Variants in PSD observed in about 807,000 individuals in gnomAD.
PSD encodes PH and SEC7 domain-containing protein 1.
Under a neutral mutation model 91.6 loss-of-function variants are expected in PSD, and 32 were observed. The observed-to-expected ratio is 0.35, with a 90% CI of 0.26 to 0.47. The LOEUF (loss-of-function observed/expected upper bound fraction) is 0.47. PSD is among the 20% of genes least tolerant of loss of function. PSD has a pLI of 1.00. For missense variants in PSD, 1,099 were observed against 1,373.9 expected, an observed-to-expected ratio of 0.80 and a Z score of 3.16; for synonymous variants, 532 against 569.3, an observed-to-expected ratio of 0.93 and a Z score of 0.93.
Position 102,402,799 on chromosome 10 carries a change from T to A in PSD, c.*401A>T. ...TGGGGAGGAAGGAGGGGAAACCAGC[T>A]CAGCCCCAAATCCTGGTCTCTGTCC... On this transcript the variant is annotated 3_prime_UTR_variant, in exon 17 of 17. Transcript: ENST00000020673. 4.1e-6 allele frequency: 1 copy of A among 245,198 alleles called. No individual in the cohort carries two copies. Among genetic ancestry groups the A allele is most frequent in the East Asian group, 7.3e-5 (1 of 13,746 alleles). 15.2% of individuals were successfully genotyped at this position (245,198 alleles called of 1,614,324 possible).
At chr10:102,408,181 G>A (rs1422361890) in intron 10 of PSD, among the ~76,000 whole-genome samples, 1 of 152,178 alleles carries the variant, frequency 6.6e-6, no homozygotes, top group Non-Finnish European at 1.5e-5. Flanking sequence ...GTGCATGTTG[G>A]GCTAAGTGTG....
chr10:102,411,091 C>G lies in PSD; in HGVS notation c.1968G>C (p.Ala656=). ...SEDGAHTLTC[A]LMLLNTDLHG... is the part of the protein sequence containing the mutation. ...GGAGATCCGTGTTGAGCAGCATGAG[C>G]GCACAGGTCAGCGTGTGGGCGCCGT... Residue 656 remains alanine, a synonymous_variant, in exon 9 of 17, where the codon GCG becomes GCC. Coordinates refer to ENST00000020673, the MANE Select transcript of PSD (RefSeq NM_002779.5). 6.2e-7 allele frequency: 1 copy of G among 1,611,426 alleles called. No homozygotes were observed. Among genetic ancestry groups the G allele is most frequent in the Non-Finnish European group, 8.5e-7 (1 of 1,177,952 alleles).
rs1273368755 is a variant in PSD at position 102,405,043 on chromosome 10, G to C, written c.2410C>G (p.Pro804Ala). 6.2e-7 allele frequency: 1 copy of C among 1,613,862 alleles called. No individual in the cohort carries two copies. The highest frequency in any genetic ancestry group is 1.3e-5 in the African/African-American group (1 of 74,886). The change falls in exon 14 of 17, where the codon CCT (proline) becomes GCT (alanine). Residue 804 changes from proline to alanine, a missense_variant. Physicochemically the swap from Pro to Ala is conservative, Grantham distance 27. Coordinates refer to ENST00000020673, the MANE Select transcript of PSD (RefSeq NM_002779.5). The surrounding 1 kb of genome is among the most constrained non-coding windows in gnomAD (Gnocchi z 5.4). Reference protein sequence around the residue: ...ILYLQKEEYKPGKALSETELK... With the variant: ...ILYLQKEEYKAGKALSETELK... ...TCCGTCTCTGAAAGGGCCTTCCCAG[G>C]CTTGTACTCCTCCTGCAGGGGTGTC...
In PSD at chr10:102,403,782, T is replaced by C; in HGVS notation, c.2844+60A>G. ...CGGCCGGTTCCACTGTTAGAGTTCA[T>C]GCCCTTCACCCTAGTATGGGCCTGC... On this transcript the variant is annotated intron_variant, in intron 16 of 16. Transcript: ENST00000020673. The surrounding 1 kb of genome is among the most constrained non-coding windows in gnomAD (Gnocchi z 6.7). The C allele has an allele frequency of 6.4e-7, 1 of 1,551,002 alleles. No individual in the cohort carries two copies. The highest frequency in any genetic ancestry group is 8.7e-7 in the Non-Finnish European group (1 of 1,143,892).
rs993160127 is a variant in PSD, at chr10:102,403,762, G to T, written c.2844+80C>A. The T allele has an allele frequency of 3.3e-6, 5 of 1,504,738 alleles. No individual in the cohort carries two copies. Among genetic ancestry groups the T allele is most frequent in the Non-Finnish European group, 4.5e-6 (5 of 1,120,822 alleles). The allele number at this position is 1,504,738 out of a possible 1,614,324, so 93.2% of individuals were successfully genotyped here. Reference sequence around the variant, plus strand: ...GCAACCTGCCCAAGGACCTCCGGCCGGTTCCACTGTTAGAGTTCATGCCCT... The same window carrying T: ...GCAACCTGCCCAAGGACCTCCGGCCTGTTCCACTGTTAGAGTTCATGCCCT... On this transcript the variant is annotated intron_variant, in intron 16 of 16. Transcript: ENST00000020673. This position sits in a 1 kb window ranked among gnomAD's most constrained non-coding sequence, Gnocchi z 6.7.
Position 102,416,230 on chromosome 10 carries a change from TCAGAGACA to T in PSD, c.655-119_655-112del. ...AACATGCATCGACAGAGATGGAGGT[TCAGAGACA>T]CAGAGACAAACACAGAGGGCAAGAG... On this transcript the variant is annotated intron_variant, in intron 2 of 16. Coordinates refer to ENST00000020673, the MANE Select transcript of PSD (RefSeq NM_002779.5). The surrounding 1 kb of genome is among the most constrained non-coding windows in gnomAD (Gnocchi z 6.0). The T allele has an allele frequency of 4.1e-6, 5 of 1,210,980 alleles. No homozygotes were observed. The South Asian group carries it at 5.7e-5, about 14-fold the overall frequency. The allele number at this position is 1,210,980 out of a possible 1,614,324, so 75.0% of individuals were successfully genotyped here.
chr10:102,405,236 C>T lies in PSD; in HGVS notation c.2344G>A (p.Gly782Ser), dbSNP rs1400094529. ...DCRKTPRGKR[G>S]WKSFHGILKG... ...AGGATCCCGTGGAAGCTCTTCCAGC[C>T]CCGCTTGCCCCGAGGTGCTGCGGGG... is the stretch of plus-strand genomic sequence containing the variant. The change falls in exon 13 of 17, where the codon GGC becomes AGC. Residue 782 changes from glycine (G) to serine (S), a missense_variant. By Grantham distance (56) the Gly-to-Ser change is moderately conservative. Transcript: ENST00000020673. The surrounding 1 kb of genome is among the most constrained non-coding windows in gnomAD (Gnocchi z 5.4). 3 of 1,610,786 alleles carry T rather than the reference C, an allele frequency of 1.9e-6. No homozygotes were observed. Among genetic ancestry groups the T allele is most frequent in the Non-Finnish European group, 2.5e-6 (3 of 1,179,842 alleles).
At chr10:102,411,918 G>T in intron 7 of PSD, 99 bp from the exon 8 acceptor site, 1 of 964,306 alleles carries the variant, frequency 1.0e-6, no homozygotes, top group Non-Finnish European at 1.6e-6. Flanking sequence ...GCTGGGGTGG[G>T]AAGGGGAGGA....
At position 102,403,533 on chromosome 10, in the gene PSD, G is replaced by A. The variant is rs1301098919; in HGVS notation, c.2845-103C>T. On this transcript the variant is annotated intron_variant, in intron 16 of 16. Transcript: ENST00000020673. The surrounding 1 kb of genome is among the most constrained non-coding windows in gnomAD (Gnocchi z 6.7). ...GCCAGCAGGGCAGAAGATGGCAGGT[G>A]CCCACCCAGGACTGTGAGATGGTCC... 3 of 1,147,196 alleles carry A rather than the reference G, an allele frequency of 2.6e-6. No individual in the cohort carries two copies. In the African/African-American group the frequency reaches 4.6e-5, roughly 18 times the overall value. The allele number at this position is 1,147,196 out of a possible 1,614,324, so 71.1% of individuals were successfully genotyped here. A position where few individuals can be genotyped will look rare whatever the true frequency, so the allele number is the denominator to read the frequency against.
upstream of PSD, chr10:102,418,892 G>A: frequency 5.7e-6 from 2 of 350,400 alleles, no homozygotes; most frequent in South Asian, 2.0e-5. Flanking sequence ...CAGAGCCCCG[G>A]AGGCTGCCAG....
In PSD at chr10:102,403,870, C is replaced by T. The variant is rs140739855; in HGVS notation, c.2816G>A (p.Arg939Gln). Reference sequence around the variant, plus strand: ...AAACTCCAGGTAGGCCTCCTTCTGCCGCTGCTCTTCAGCCTCCTTGCCCCG... The same window carrying T: ...AAACTCCAGGTAGGCCTCCTTCTGCTGCTGCTCTTCAGCCTCCTTGCCCCG... ...KGRGKEAEEQ[R>Q]QKEAYLEFEK... Residue 939 changes from arginine to glutamine, a missense_variant, in exon 16 of 17, where the codon CGG becomes CAG. Physicochemically the swap from Arg to Gln is conservative, Grantham distance 43. This residue lies in a region of PSD where 358 missense variants were observed against 426.5 expected (regional missense o/e 0.84). Coordinates refer to ENST00000020673, the MANE Select transcript of PSD (RefSeq NM_002779.5). The surrounding 1 kb of genome is among the most constrained non-coding windows in gnomAD (Gnocchi z 6.7). 2,035 of 1,610,084 alleles carry T rather than the reference C, an allele frequency of 1.3e-3. 2 individuals carry two copies. The highest frequency in any genetic ancestry group is 1.5e-3 in the Non-Finnish European group (1,784 of 1,178,264).
intron 11 of PSD, 88 bp downstream of exon 11, chr10:102,407,135 C>T: frequency 7.7e-7 from 1 of 1,290,386 alleles, no homozygotes; most frequent in Non-Finnish European, 1.0e-6. Context: ...CTACCCCCAC[C>T]CAGGGCCTAC....
chr10:102,406,752 G>A (rs981873176), intron 11 of PSD, among the ~76,000 whole-genome samples: 33 of 152,292 alleles, frequency 2.2e-4, no homozygotes, highest in Non-Finnish European at 2.9e-4. Context: ...TGATCTGCCC[G>A]CCTTGGCCTC....
At chr10:102,417,191 G>A in intron 1 of PSD, 70 bp from the exon 2 acceptor site, 1 of 589,586 alleles carries the variant, frequency 1.7e-6, no homozygotes, top group Non-Finnish European at 3.0e-6. Context: ...CAGAGATAGG[G>A]AAGGGAAAGT....
intron 3 of PSD, 79 bp downstream of exon 3, chr10:102,415,938 A>C (rs938136187): frequency 9.2e-7 from 1 of 1,088,234 alleles, no homozygotes; most frequent in Non-Finnish European, 1.3e-6. Flanking sequence ...GGGAAGTTTG[A>C]AGGAGGGCTC....
chr10:102,412,164 A>G lies in PSD; in HGVS notation c.1812T>C (p.Thr604=). 6.2e-7 allele frequency: 1 copy of G among 1,614,144 alleles called. No homozygotes were observed. The highest frequency in any genetic ancestry group is 8.5e-7 in the Non-Finnish European group (1 of 1,180,010). The stretch of plus-strand genomic sequence containing the variant: ...ACACCCACCTGAGAGCTTGGTCCAG[A>G]GTCATGCCCGTGAAGACAAAGAACT... ...YLKFFVFTGM[T]LDQALRVFLK... Residue 604 remains threonine (T), a synonymous_variant, in exon 7 of 17, where the codon ACT becomes ACC. Coordinates refer to ENST00000020673, the MANE Select transcript of PSD (RefSeq NM_002779.5).
At chr10:102,407,404 G>A in intron 10 of PSD, 138 bp from the exon 11 acceptor site, 1 of 535,804 alleles carries the variant, frequency 1.9e-6, no homozygotes, top group Non-Finnish European at 3.1e-6. Flanking sequence ...AAAAATACAG[G>A]CTCCAGAATG....
In PSD at chr10:102,404,575, T is replaced by A. The variant is rs1446826357; in HGVS notation, c.2700+8A>T. 3 of 1,611,494 alleles carry A rather than the reference T, an allele frequency of 1.9e-6. No individual in the cohort carries two copies. In the Admixed American group the frequency reaches 5.0e-5, roughly 27 times the overall value. ...CCACTGGCACTAGGTGGACAGAGCT[T>A]GGGCTACCTGGGAGAGGCGGGTGGC... On this transcript the variant is annotated splice_region_variant and intron_variant, in intron 15 of 16. Transcript: ENST00000020673. This position sits in a 1 kb window ranked among gnomAD's most constrained non-coding sequence, Gnocchi z 5.7.
intron 10 of PSD, among the ~76,000 whole-genome samples, chr10:102,407,491 CAT>C (rs762970519): frequency 5.1e-4 from 78 of 152,294 alleles, no homozygotes; most frequent in Non-Finnish European, 4.6e-4. Context: ...AACGTAGTAA[CAT>C]GTGGGCACAG....
Sources: gnomAD v4.1 joint callset for allele counts (sites outside exome capture counted in the v4.1 genomes callset) on GRCh38, gnomAD v4.1.1 for gene constraint, gnomAD v4.1.1 regional missense constraint, Gnocchi (gnomAD v3.1) non-coding constraint, MANE v1.5 for transcripts, NCBI Gene and HGNC (gene_info 2026-07-23, HGNC 2026-07-21) for gene names.